Variants in DOK6 observed in about 807,000 individuals in gnomAD.
The protein encoded by DOK6 is docking protein 6.
Under a neutral mutation model 44.0 loss-of-function variants are expected in DOK6, and 22 were observed. The observed-to-expected ratio is 0.50, with a 90% confidence interval of 0.36 to 0.71. DOK6 has a LOEUF of 0.71. DOK6 is among the 30% of genes least tolerant of loss of function. The pLI, the probability that DOK6 is intolerant of heterozygous loss-of-function variation, is 0.00. For missense variants in DOK6, 340 were observed against 416.4 expected (o/e 0.82, Z 1.60); for synonymous variants, 166 against 145.5 (o/e 1.14, Z -1.01).
chr18:69,669,208 G>A (rs1471898138), intron 3 of DOK6, among the ~76,000 whole-genome samples: 2 of 152,162 alleles, frequency 1.3e-5, no homozygotes, highest in Non-Finnish European at 2.9e-5. Context: ...CCCAGAAAAT[G>A]AGCAAAGTAC....
chr18:69,669,427 A>G (rs569419547), intron 3 of DOK6, among the ~76,000 whole-genome samples: 2 of 149,460 alleles, frequency 1.3e-5, no homozygotes, highest in East Asian at 3.9e-4. Flanking sequence ...TACAAAGGAC[A>G]TCATTTTGTT....
chr18:69,472,612 C>A (rs1040939539), intron 1 of DOK6, among the ~76,000 whole-genome samples: 45 of 152,232 alleles, frequency 3.0e-4, no homozygotes, highest in African/African-American at 1.0e-3. Context: ...TTTCTAGAAT[C>A]TTTTTATTTG....
intron 1 of DOK6, among the ~76,000 whole-genome samples, chr18:69,421,116 T>G (rs1978480511): frequency 6.6e-6 from 1 of 152,204 alleles, no homozygotes; most frequent in Admixed American, 6.5e-5. Flanking sequence ...TTGTACTTAT[T>G]TTAAAACCTG....
chr18:69,623,605 C>T (rs568642517), intron 3 of DOK6, among the ~76,000 whole-genome samples: 1 of 152,176 alleles, frequency 6.6e-6, no homozygotes, highest in South Asian at 2.1e-4. Context: ...AGGGATCTAA[C>T]CCAGCCAACT....
intron 1 of DOK6, among the ~76,000 whole-genome samples, chr18:69,406,809 G>A (rs762472946): frequency 7.2e-5 from 11 of 152,262 alleles, no homozygotes; most frequent in Non-Finnish European, 1.3e-4. Flanking sequence ...GGCTGGGTGC[G>A]GTGGCTCACA....
intron 7 of DOK6, among the ~76,000 whole-genome samples, chr18:69,813,453 T>C (rs565794199): frequency 6.6e-6 from 1 of 152,232 alleles, no homozygotes; most frequent in Admixed American, 6.5e-5. Context: ...TTTCTATGCT[T>C]ACTGATCTAG....
intron 1 of DOK6, among the ~76,000 whole-genome samples, chr18:69,559,351 TGACA>T (rs1257204295): frequency 1.3e-5 from 2 of 152,106 alleles, no homozygotes; most frequent in Non-Finnish European, 2.9e-5. Flanking sequence ...AGTAACAAAG[TGACA>T]GACAGTACAG....
chr18:69,546,555 A>C lies in DOK6; in HGVS notation c.67-17932A>C, dbSNP rs186814099. On this transcript the variant is annotated intron_variant, in intron 1 of 7. Coordinates refer to ENST00000382713, the MANE Select transcript of DOK6 (RefSeq NM_152721.6). ...GGGGTACTACCTATAAAATAAATAT[A>C]TTTAGATTTGTAAATATTTAAGAAA... is the stretch of plus-strand genomic sequence containing the variant. 1.5e-3 allele frequency among the ~76,000 whole-genome samples: 224 copies of C among 151,674 alleles called. 6 individuals carry two copies. The highest frequency in any genetic ancestry group is 5.2e-3 in the African/African-American group (217 of 41,520).
At chr18:69,624,744 T>C (rs190244487) in intron 3 of DOK6, among the ~76,000 whole-genome samples, 47 of 152,256 alleles carry the variant, frequency 3.1e-4, no homozygotes, top group African/African-American at 9.4e-4. Context: ...CAATTTATAA[T>C]GAATCCTGGC....
intron 1 of DOK6, among the ~76,000 whole-genome samples, chr18:69,504,827 T>C: frequency 6.6e-6 from 1 of 152,202 alleles, no homozygotes; most frequent in East Asian, 1.9e-4. Flanking sequence ...GAGAGCTATT[T>C]AAATATTTTT....
intron 3 of DOK6, among the ~76,000 whole-genome samples, chr18:69,668,172 T>G (rs1027565387): frequency 3.9e-5 from 6 of 152,158 alleles, no homozygotes; most frequent in Non-Finnish European, 7.3e-5. Context: ...TGTGAATGAT[T>G]CTCATCGCCA....
chr18:69,820,229 C>T (rs1280244447), intron 7 of DOK6, among the ~76,000 whole-genome samples: 1 of 152,188 alleles, frequency 6.6e-6, no homozygotes, highest in Admixed American at 6.5e-5. Context: ...TACCTAGTAT[C>T]CTATACTAAT....
intron 6 of DOK6, among the ~76,000 whole-genome samples, chr18:69,742,124 C>A (rs1007481835): frequency 1.3e-5 from 2 of 152,036 alleles, no homozygotes; most frequent in Non-Finnish European, 2.9e-5. Flanking sequence ...AGAAAAATTT[C>A]TCAGCACTGG....
At chr18:69,599,576 A>C (rs927708163) in intron 3 of DOK6, 78 bp downstream of exon 3, 5 of 1,132,810 alleles carry the variant, frequency 4.4e-6, no homozygotes, top group South Asian at 1.4e-5. Flanking sequence ...ATTAAGGTAC[A>C]CTATTGAACA....
At chr18:69,628,552 A>G (rs528766414) in intron 3 of DOK6, among the ~76,000 whole-genome samples, 1 of 151,896 alleles carries the variant, frequency 6.6e-6, no homozygotes, top group Non-Finnish European at 1.5e-5. Flanking sequence ...AATTTTATCT[A>G]CTCTAGAGCT....
At chr18:69,481,740 T>C (rs1402714853) in intron 1 of DOK6, among the ~76,000 whole-genome samples, 16 of 152,188 alleles carry the variant, frequency 1.1e-4, no homozygotes, top group Admixed American at 9.2e-4. Context: ...ATATACCCAG[T>C]AATGGGATGG....
intron 1 of DOK6, among the ~76,000 whole-genome samples, chr18:69,518,967 T>A (rs147654567): frequency 6.6e-6 from 1 of 152,272 alleles, no homozygotes; most frequent in East Asian, 1.9e-4. Context: ...TCTTCCTTAG[T>A]CACTCTGTAT....
At chr18:69,644,376 A>C (rs1985018472) in intron 3 of DOK6, among the ~76,000 whole-genome samples, 1 of 152,150 alleles carries the variant, frequency 6.6e-6, no homozygotes, top group African/African-American at 2.4e-5. Flanking sequence ...ACTTTTAAAT[A>C]CATTTTACAG....
At chr18:69,468,729 A>G (rs992319605) in intron 1 of DOK6, among the ~76,000 whole-genome samples, 1 of 149,972 alleles carries the variant, frequency 6.7e-6, no homozygotes, top group African/African-American at 2.5e-5. Flanking sequence ...ATGTAGGGCA[A>G]TTTTAGATTT....
Sources: gnomAD v4.1 joint callset for allele counts (sites outside exome capture counted in the v4.1 genomes callset) on GRCh38, gnomAD v4.1.1 for gene constraint, MANE v1.5 for transcripts, NCBI Gene and HGNC (gene_info 2026-07-23, HGNC 2026-07-21) for gene names.